ERGIC1: variants seen among roughly 807,000 people sequenced by gnomAD.
ERGIC1 encodes the protein endoplasmic reticulum-golgi intermediate compartment 1.
ERGIC1 carries 19 observed loss-of-function variants against 38.3 expected under a neutral mutation model. The observed-to-expected ratio is 0.50, with a 90% CI of 0.35 to 0.73. The LOEUF (loss-of-function observed/expected upper bound fraction) is 0.73, where lower values mean the gene tolerates loss of function less well. Ranked by LOEUF, ERGIC1 falls within the 30% of genes least tolerant of loss-of-function variation. The pLI is 0.01. For synonymous variants in ERGIC1, 124 were observed against 157.6 expected (o/e 0.79, Z 1.60); for missense variants, 294 against 389.2 (o/e 0.76, Z 2.06).
At chr5:172,925,898 G>A (rs968232994) in intron 6 of ERGIC1, among the ~76,000 whole-genome samples, 1 of 152,170 alleles carries the variant, frequency 6.6e-6, no homozygotes, top group Non-Finnish European at 1.5e-5. Context: ...GGTGAGATGT[G>A]GTTTTCAGCC....
chr5:172,935,653 C>T (rs1763873919), intron 9 of ERGIC1: 1 of 209,444 alleles, frequency 4.8e-6, no homozygotes, highest in Non-Finnish European at 9.7e-6. Context: ...AGAGTTTATC[C>T]TTTAATGTGT....
intron 3 of ERGIC1, chr5:172,897,821 C>G (rs1287884553): frequency 7.2e-6 from 3 of 414,026 alleles, no homozygotes; most frequent in Non-Finnish European, 1.3e-5. Context: ...GACTAACCCC[C>G]TTCCCATTTC....
intron 1 of ERGIC1, among the ~76,000 whole-genome samples, chr5:172,888,126 C>T (rs192355161): frequency 7.1e-4 from 108 of 152,302 alleles, no homozygotes; most frequent in Non-Finnish European, 2.9e-4. Flanking sequence ...CCTAACTAGG[C>T]CCCTGCTCTC....
rs1290438960 is a variant in ERGIC1, at chr5:172,834,301, G to GGGGGCGGCCGGCGGGGGC, written c.-101_-84dup. The GGGGGCGGCCGGCGGGGGC allele has an allele frequency of 5.6e-5, 58 of 1,041,322 alleles. No homozygotes were observed. Among genetic ancestry groups the GGGGGCGGCCGGCGGGGGC allele is most frequent in the African/African-American group, 1.9e-4 (11 of 59,068 alleles). The allele number at this position is 1,041,322 out of a possible 1,614,324, so 64.5% of individuals were successfully genotyped here. ...GCGAGTGGCGAGTGGCGAGTGTCAG[G>GGGGGCGGCCGGCGGGGGC]GGGGCGGCCGGCGGGGGCGGGGCGG... is the stretch of plus-strand genomic sequence containing the variant. On this transcript the variant is annotated 5_prime_UTR_variant, in exon 1 of 10. Transcript: ENST00000393784. This position sits in a 1 kb window ranked among gnomAD's most constrained non-coding sequence, Gnocchi z 4.1.
chr5:172,892,202 G>C (rs1268075983), intron 2 of ERGIC1, among the ~76,000 whole-genome samples: 1 of 151,956 alleles, frequency 6.6e-6, no homozygotes, highest in Non-Finnish European at 1.5e-5. Context: ...GTGAGGCATA[G>C]GAAGCCAGCC....
intron 4 of ERGIC1, among the ~76,000 whole-genome samples, chr5:172,912,828 G>A (rs1350401061): frequency 1.3e-5 from 2 of 151,340 alleles, no homozygotes; most frequent in South Asian, 2.1e-4. Context: ...GAGTACAGTG[G>A]CATGATCTCA....
chr5:172,932,875 G>C, intron 8 of ERGIC1: 1 of 276,110 alleles, frequency 3.6e-6, no homozygotes, highest in East Asian at 8.6e-5. Context: ...AGACCCCTGG[G>C]TGCTCAACAC....
chr5:172,838,608 A>T (rs1228741100), intron 1 of ERGIC1, among the ~76,000 whole-genome samples: 5 of 152,094 alleles, frequency 3.3e-5, no homozygotes, highest in Non-Finnish European at 7.4e-5. Flanking sequence ...TTAAAAAAAA[A>T]TTATATAGAG....
At chr5:172,864,750 C>T (rs927878017) in intron 1 of ERGIC1, among the ~76,000 whole-genome samples, 1 of 152,158 alleles carries the variant, frequency 6.6e-6, no homozygotes, top group South Asian at 2.1e-4. Flanking sequence ...TGTCCCCCCC[C>T]CTTTTTTTTT....
At chr5:172,866,375 A>G (rs904373937) in intron 1 of ERGIC1, among the ~76,000 whole-genome samples, 7 of 152,136 alleles carry the variant, frequency 4.6e-5, no homozygotes, top group Non-Finnish European at 1.0e-4. Context: ...TGGGGAATGC[A>G]CCGTGCCCCT....
At chr5:172,902,717 C>G (rs1389054355) in intron 3 of ERGIC1, among the ~76,000 whole-genome samples, 5 of 152,140 alleles carry the variant, frequency 3.3e-5, no homozygotes, top group Admixed American at 6.5e-5. Context: ...ATTTGAAACT[C>G]AAGGCTCCGG....
intron 3 of ERGIC1, among the ~76,000 whole-genome samples, chr5:172,897,345 C>T (rs913852232): frequency 6.6e-6 from 1 of 151,570 alleles, no homozygotes; most frequent in African/African-American, 2.4e-5. Flanking sequence ...AGGAGAATTG[C>T]TTGACCCTGG....
chr5:172,851,018 G>A (rs1192489126), intron 1 of ERGIC1, among the ~76,000 whole-genome samples: 1 of 151,678 alleles, frequency 6.6e-6, no homozygotes, highest in Non-Finnish European at 1.5e-5. Context: ...TGGCCAACAT[G>A]GTGAAACTCC....
chr5:172,843,819 A>T (rs943409293), intron 1 of ERGIC1, among the ~76,000 whole-genome samples: 4 of 152,238 alleles, frequency 2.6e-5, no homozygotes, highest in Non-Finnish European at 5.9e-5. Flanking sequence ...GGGGCCCAGG[A>T]CAAGACACTT....
chr5:172,918,528 C>G (rs777181723), intron 5 of ERGIC1, among the ~76,000 whole-genome samples: 1 of 152,166 alleles, frequency 6.6e-6, no homozygotes, highest in Non-Finnish European at 1.5e-5. Flanking sequence ...AAAGGCTGGG[C>G]GGAACCTGCA....
At chr5:172,887,142 A>G (rs1297140875) in intron 1 of ERGIC1, among the ~76,000 whole-genome samples, 3 of 152,186 alleles carry the variant, frequency 2.0e-5, no homozygotes, top group Admixed American at 2.0e-4. Context: ...GCCCTTACGC[A>G]AGGTTTCCAA....
At chr5:172,944,396 T>C (rs1317604950) in intron 9 of ERGIC1, among the ~76,000 whole-genome samples, 1 of 152,092 alleles carries the variant, frequency 6.6e-6, no homozygotes, top group African/African-American at 2.4e-5. Flanking sequence ...TTCACTCTTG[T>C]TGCCCAGGCT....
intron 1 of ERGIC1, among the ~76,000 whole-genome samples, chr5:172,855,175 C>G (rs1157003078): frequency 1.3e-5 from 2 of 152,156 alleles, no homozygotes; most frequent in East Asian, 3.9e-4. Context: ...GTGGCATTTC[C>G]CAGAACACCA....
rs529678084 is a variant in ERGIC1, at chr5:172,913,469, C to T, written c.251-1245C>T. Among the ~76,000 whole-genome samples the T allele has an allele frequency of 3.3e-5, 5 of 152,358 alleles. No homozygotes were observed. In the South Asian group the frequency reaches 6.2e-4, roughly 19 times the overall value. The stretch of plus-strand genomic sequence containing the variant: ...TGGCATTTCCCATGTCCTGTGGACC[C>T]GTGAGGGTCATTTCGAATGGCTCCA... On this transcript the variant is annotated intron_variant, in intron 4 of 9. Transcript: ENST00000393784.
Sources: gnomAD v4.1 joint callset for allele counts (sites outside exome capture counted in the v4.1 genomes callset) on GRCh38, gnomAD v4.1.1 for gene constraint, Gnocchi (gnomAD v3.1) non-coding constraint, MANE v1.5 for transcripts, NCBI Gene and HGNC (gene_info 2026-07-23, HGNC 2026-07-21) for gene names.